The following SNTG1 variants were observed in gnomAD, a reference collection of about 807,000 sequenced individuals.
SNTG1 encodes the protein gamma-1-syntrophin.
A neutral mutation model predicts 74.7 loss-of-function variants in SNTG1; 39 were observed. The observed-to-expected ratio is 0.52, with a 90% confidence interval of 0.40 to 0.68. The LOEUF is 0.68. Ranked by LOEUF, SNTG1 falls within the 30% of genes least tolerant of loss-of-function variation. The pLI, the probability that SNTG1 is intolerant of heterozygous loss-of-function variation, is 0.00. For synonymous variants in SNTG1, 254 were observed against 217.1 expected, an observed-to-expected ratio of 1.17 and a Z score of -1.49; for missense variants, 685 against 609.5, an observed-to-expected ratio of 1.12 and a Z score of -1.30.
chr8:50,272,555 G>C (rs913656162), intron 2 of SNTG1, among the ~76,000 whole-genome samples: 5 of 152,108 alleles, frequency 3.3e-5, no homozygotes, highest in Non-Finnish European at 7.4e-5. Flanking sequence ...TTCAGCTCTT[G>C]CTTGACGGGT....
At chr8:50,104,181 C>G (rs1239313585) in intron 1 of SNTG1, among the ~76,000 whole-genome samples, 1 of 152,116 alleles carries the variant, frequency 6.6e-6, no homozygotes, top group East Asian at 1.9e-4. Flanking sequence ...GCTGTGAATC[C>G]ATCTGGTCTT....
intron 2 of SNTG1, among the ~76,000 whole-genome samples, chr8:50,272,466 G>A (rs1486932216): frequency 6.6e-6 from 1 of 152,162 alleles, no homozygotes; most frequent in Non-Finnish European, 1.5e-5. Context: ...ATAACAAAGA[G>A]ACCTGGTGCT....
intron 1 of SNTG1, among the ~76,000 whole-genome samples, chr8:49,939,863 G>A (rs1450207623): frequency 4.6e-5 from 7 of 151,898 alleles, no homozygotes; most frequent in African/African-American, 1.7e-4. Context: ...AGAGGTCTAG[G>A]GTCTAGCAGG....
intron 9 of SNTG1, among the ~76,000 whole-genome samples, chr8:50,519,544 T>C (rs910527882): frequency 2.0e-5 from 3 of 152,214 alleles, no homozygotes; most frequent in African/African-American, 7.2e-5. Flanking sequence ...TGATTGTATA[T>C]TTAGAAAACC....
chr8:50,431,941 T>C (rs1187421392), intron 4 of SNTG1, among the ~76,000 whole-genome samples: 1 of 152,222 alleles, frequency 6.6e-6, no homozygotes, highest in Non-Finnish European at 1.5e-5. Flanking sequence ...CTATCAGATA[T>C]GTGATTTACA....
At position 50,496,248 on chromosome 8, in the gene SNTG1, A is replaced by T. The variant is rs182083009; in HGVS notation, c.364-6530A>T. ...TGTTACTGGCGGGCAGAAATACGTCAATCTGACTCTCTTAAGATCAAAATC... is the reference window on the plus strand; with the variant it reads ...TGTTACTGGCGGGCAGAAATACGTCTATCTGACTCTCTTAAGATCAAAATC... On this transcript the variant is annotated intron_variant, in intron 8 of 18. Transcript: ENST00000642720. 1.1e-3 allele frequency among the ~76,000 whole-genome samples: 172 copies of T among 152,284 alleles called. 1 individual carries two copies. Among genetic ancestry groups the T allele is most frequent in the African/African-American group, 3.0e-3 (125 of 41,566 alleles).
At chr8:50,715,599 ATTATATAATGATT>A (rs2095473171) in intron 17 of SNTG1, among the ~76,000 whole-genome samples, 1 of 152,166 alleles carries the variant, frequency 6.6e-6, no homozygotes, top group South Asian at 2.1e-4. Flanking sequence ...ACTGTATACT[ATTATATAATGATT>A]TTATGGTTTA....
chr8:50,572,273 T>TAG (rs1417802263), intron 12 of SNTG1, among the ~76,000 whole-genome samples: 1 of 146,304 alleles, frequency 6.8e-6, no homozygotes, highest in African/African-American at 2.6e-5. Flanking sequence ...TATATATATA[T>TAG]ATAGAGAGAG....
At chr8:50,360,754 G>A (rs560695296) in intron 2 of SNTG1, among the ~76,000 whole-genome samples, 1 of 152,160 alleles carries the variant, frequency 6.6e-6, no homozygotes, top group East Asian at 1.9e-4. Flanking sequence ...TAAAAGTATG[G>A]CATAAAAGAT....
chr8:49,982,956 CATT>C (rs1812822891), intron 1 of SNTG1, among the ~76,000 whole-genome samples: 1 of 152,124 alleles, frequency 6.6e-6, no homozygotes, highest in Admixed American at 6.6e-5. Flanking sequence ...AAGCATTAAA[CATT>C]ATGCACTGTG....
intron 13 of SNTG1, among the ~76,000 whole-genome samples, chr8:50,630,746 T>C (rs999259253): frequency 1.3e-5 from 2 of 152,178 alleles, no homozygotes; most frequent in Non-Finnish European, 2.9e-5. Context: ...AGAAGACAGA[T>C]GAAGAACAGT....
chr8:50,113,695 A>C (rs1322236130), intron 1 of SNTG1, among the ~76,000 whole-genome samples: 1 of 152,116 alleles, frequency 6.6e-6, no homozygotes, highest in Non-Finnish European at 1.5e-5. Flanking sequence ...GTTTTTGCCC[A>C]TTCAGTATGC....
intron 1 of SNTG1, among the ~76,000 whole-genome samples, chr8:50,138,798 C>A (rs2081564669): frequency 6.6e-6 from 1 of 151,536 alleles, no homozygotes; most frequent in Non-Finnish European, 1.5e-5. Context: ...CAGAAAAATC[C>A]TTGGGTAAGA....
chr8:50,495,345 A>T (rs2093894249), intron 8 of SNTG1, among the ~76,000 whole-genome samples: 1 of 152,124 alleles, frequency 6.6e-6, no homozygotes, highest in Non-Finnish European at 1.5e-5. Flanking sequence ...TATTATGTTG[A>T]CGATAATCTG....
At chr8:50,341,560 T>C (rs543455486) in intron 2 of SNTG1, among the ~76,000 whole-genome samples, 11 of 152,058 alleles carry the variant, frequency 7.2e-5, no homozygotes, top group African/African-American at 2.2e-4. Flanking sequence ...AAGATTGACA[T>C]GAGTCATAAG....
At chr8:50,179,517 G>T (rs1282402752) in intron 2 of SNTG1, among the ~76,000 whole-genome samples, 1 of 152,066 alleles carries the variant, frequency 6.6e-6, no homozygotes, top group Non-Finnish European at 1.5e-5. Flanking sequence ...GACTGGGAGA[G>T]AATATTTGCA....
intron 1 of SNTG1, among the ~76,000 whole-genome samples, chr8:49,945,027 A>T (rs1454242198): frequency 1.3e-5 from 2 of 152,132 alleles, no homozygotes; most frequent in South Asian, 2.1e-4. Flanking sequence ...CTTTAATCTG[A>T]GTACTAACTA....
chr8:50,580,786 T>G (rs1193367140), intron 12 of SNTG1, among the ~76,000 whole-genome samples: 1 of 152,128 alleles, frequency 6.6e-6, no homozygotes, highest in East Asian at 1.9e-4. Flanking sequence ...TCATTATAAA[T>G]TACCCAGTCT....
intron 2 of SNTG1, among the ~76,000 whole-genome samples, chr8:50,293,403 CTT>C (rs11349774): frequency 1.5e-3 from 198 of 135,592 alleles, no homozygotes; most frequent in East Asian, 2.6e-3. Flanking sequence ...TAGTAGGCTT[CTT>C]TTTTTTTTTT....
Sources: allele counts gnomAD v4.1 joint callset (sites outside exome capture counted in the v4.1 genomes callset), GRCh38; gene constraint gnomAD v4.1.1; transcripts MANE v1.5; gene names NCBI Gene and HGNC (gene_info 2026-07-23, HGNC 2026-07-21).